Variants in TBC1D32 observed in about 807,000 individuals in gnomAD.
TBC1D32 encodes protein broad-minded.
TBC1D32 carries 151 observed loss-of-function variants against 170.3 expected under a neutral mutation model. The observed-to-expected ratio is 0.89, with a 90% CI of 0.78 to 1.01. The LOEUF (loss-of-function observed/expected upper bound fraction) is 1.01. TBC1D32 is among the 50% of genes least tolerant of loss of function. The pLI is 0.00. For synonymous variants in TBC1D32, 498 were observed against 488.0 expected (o/e 1.02, Z -0.27); for missense variants, 1,464 against 1,457.1 (o/e 1.00, Z -0.08).
intron 22 of TBC1D32, among the ~76,000 whole-genome samples, chr6:121,204,788 G>C (rs1009737299): frequency 4.8e-5 from 7 of 146,742 alleles, no homozygotes. Context: ...GGAAGGTCAA[G>C]TTGACTCCTG....
chr6:121,223,456 T>A, intron 20 of TBC1D32, 104 bp from the exon 21 acceptor site: 1 of 746,702 alleles, frequency 1.3e-6, no homozygotes, highest in South Asian at 1.6e-5. Context: ...GAGGGCTCAT[T>A]TTTAAATATA....
intron 20 of TBC1D32, among the ~76,000 whole-genome samples, chr6:121,236,354 G>T (rs1232138790): frequency 6.6e-6 from 1 of 152,042 alleles, no homozygotes; most frequent in Non-Finnish European, 1.5e-5. Context: ...ATACAAGTTT[G>T]TATAGCTGCA....
intron 12 of TBC1D32, 107 bp from the exon 13 acceptor site, chr6:121,284,017 C>G (rs1803421335): frequency 1.3e-6 from 1 of 757,132 alleles, no homozygotes; most frequent in Admixed American, 2.8e-5. Context: ...TTTGTACAGA[C>G]TACGAGGCAA....
At chr6:121,148,991 A>G (rs1481261063) in intron 24 of TBC1D32, among the ~76,000 whole-genome samples, 1 of 152,136 alleles carries the variant, frequency 6.6e-6, no homozygotes, top group South Asian at 2.1e-4. Context: ...TTTGATTTGC[A>G]TCTCTCTAAT....
chr6:121,260,064 G>A lies in TBC1D32; in HGVS notation c.1734-3779C>T, dbSNP rs76086280. ...GCTAACAGTAAGAGGTTTCTCTATG[G>A]AATCCCTTAAGAACAAAGGAGAAAC... On this transcript the variant is annotated intron_variant, in intron 15 of 31. Transcript: ENST00000398212. 4.6e-5 allele frequency among the ~76,000 whole-genome samples: 7 copies of A among 152,046 alleles called. No individual in the cohort carries two copies. The South Asian group carries it at 1.2e-3, about 27-fold the overall frequency.
intron 30 of TBC1D32, among the ~76,000 whole-genome samples, chr6:121,097,728 A>G (rs112262461): frequency 2.3e-3 from 350 of 152,298 alleles, no homozygotes; most frequent in Non-Finnish European, 3.8e-3. Context: ...ATGCTGCTAT[A>G]AAGACACATG....
chr6:121,132,063 G>A (rs879724563), intron 24 of TBC1D32, among the ~76,000 whole-genome samples: 1 of 151,894 alleles, frequency 6.6e-6, no homozygotes, highest in African/African-American at 2.4e-5. Flanking sequence ...AATAGACAGC[G>A]TGAACCTTAA....
At chr6:121,322,907 T>A (rs1398044113) in intron 1 of TBC1D32, among the ~76,000 whole-genome samples, 3 of 152,170 alleles carry the variant, frequency 2.0e-5, no homozygotes, top group African/African-American at 7.2e-5. Flanking sequence ...ATTAGCAAAT[T>A]TCTGATGACA....
At chr6:121,169,289 G>A (rs940166991) in intron 22 of TBC1D32, among the ~76,000 whole-genome samples, 2 of 152,038 alleles carry the variant, frequency 1.3e-5, no homozygotes, top group African/African-American at 4.8e-5. Flanking sequence ...TCTGATCTTT[G>A]ACAAACCTGA....
At chr6:121,246,507 GCC>G in intron 17 of TBC1D32, among the ~76,000 whole-genome samples, 1 of 151,978 alleles carries the variant, frequency 6.6e-6, no homozygotes, top group East Asian at 1.9e-4. Context: ...GTCACAGTAG[GCC>G]CCAGCAATGG....
At chr6:121,113,323 G>C in intron 27 of TBC1D32, 146 bp from the exon 28 acceptor site, 1 of 508,566 alleles carries the variant, frequency 2.0e-6, no homozygotes, top group East Asian at 3.2e-5. Context: ...TGATATATTT[G>C]GATTAACAGT....
intron 15 of TBC1D32, among the ~76,000 whole-genome samples, chr6:121,257,501 G>T (rs4946553): frequency 0.033 from 4,980 of 152,082 alleles, 191 homozygotes; most frequent in East Asian, 0.12. Flanking sequence ...ATAGCATTTA[G>T]TTTGCATTTA....
intron 22 of TBC1D32, among the ~76,000 whole-genome samples, chr6:121,180,853 A>G (rs754269957): frequency 2.4e-4 from 36 of 152,182 alleles, no homozygotes; most frequent in Non-Finnish European, 4.6e-4. Flanking sequence ...TTTAATAAGC[A>G]TAATATATAA....
chr6:121,089,441 C>T (rs987302711), intron 31 of TBC1D32, among the ~76,000 whole-genome samples: 8 of 152,202 alleles, frequency 5.3e-5, no homozygotes, highest in Admixed American at 3.3e-4. Flanking sequence ...CTATAACTGA[C>T]CACTATAGAT....
At chr6:121,202,293 A>G (rs1280513959) in intron 22 of TBC1D32, among the ~76,000 whole-genome samples, 1 of 117,412 alleles carries the variant, frequency 8.5e-6, no homozygotes, top group African/African-American at 2.7e-5. Flanking sequence ...AAAAAAAAAA[A>G]GAAAGAAAGA....
intron 20 of TBC1D32, among the ~76,000 whole-genome samples, chr6:121,231,510 G>A (rs1275105818): frequency 3.3e-5 from 5 of 152,100 alleles, no homozygotes; most frequent in Non-Finnish European, 7.4e-5. Flanking sequence ...GTTTCCCATA[G>A]TGGTTATACT....
At chr6:121,161,079 T>G (rs1785566366) in intron 22 of TBC1D32, 23 bp from the exon 23 acceptor site, 2 of 1,530,078 alleles carry the variant, frequency 1.3e-6, no homozygotes, top group Admixed American at 3.5e-5. Context: ...ATATATCACC[T>G]TTGTCATCCT....
chr6:121,194,441 T>C (rs572465703), intron 22 of TBC1D32, among the ~76,000 whole-genome samples: 3 of 152,334 alleles, frequency 2.0e-5, no homozygotes, highest in South Asian at 2.1e-4. Context: ...GAAGGATGCA[T>C]AGGTGGTGAT....
intron 24 of TBC1D32, among the ~76,000 whole-genome samples, chr6:121,146,091 T>C (rs960778162): frequency 1.3e-5 from 2 of 152,166 alleles, no homozygotes; most frequent in African/African-American, 4.8e-5. Context: ...ATGCCTTCCA[T>C]CATGCTATGC....
Sources: gnomAD v4.1 joint callset for allele counts (sites outside exome capture counted in the v4.1 genomes callset) on GRCh38, gnomAD v4.1.1 for gene constraint, MANE v1.5 for transcripts, NCBI Gene and HGNC (gene_info 2026-07-23, HGNC 2026-07-21) for gene names.